Variants in ATG9B observed in about 807,000 individuals in gnomAD.
ATG9B encodes autophagy-related protein 9B.
Under a neutral mutation model 92.9 loss-of-function variants are expected in ATG9B, and 92 were observed. That is an observed-to-expected ratio of 0.99 (90% CI 0.84 to 1.18). The LOEUF is 1.18. Ranked by LOEUF, ATG9B falls within the 50% of genes most tolerant of loss-of-function variation. The probability of loss-of-function intolerance (pLI) is 0.00; values close to 1 mark genes in which losing one functional copy is unlikely to be tolerated. For missense variants in ATG9B, 1,344 were observed against 1,235.0 expected (o/e 1.09, Z -1.32); for synonymous variants, 599 against 551.4 (o/e 1.09, Z -1.21).
chr7:151,013,877 A>T, downstream of ATG9B: 1 of 1,602,926 alleles, frequency 6.2e-7, no homozygotes, highest in Non-Finnish European at 8.5e-7. Flanking sequence ...GGAGGGCGAC[A>T]TGGAGCTGGA....
chr7:151,016,882 T>C, intron 9 of ATG9B, 61 bp from the exon 10 acceptor site: 2 of 1,550,004 alleles, frequency 1.3e-6, no homozygotes. Context: ...AGAAACGGAG[T>C]AGGGAGGAAG....
rs1025120434 is a variant in ATG9B, at chr7:151,015,728, G to A, written c.*15-15C>T. 28 of 1,061,340 alleles carry A rather than the reference G, an allele frequency of 2.6e-5. No homozygotes were observed. Among genetic ancestry groups the A allele is most frequent in the Admixed American group, 1.4e-4 (4 of 29,518 alleles). 65.7% of individuals were successfully genotyped at this position (1,061,340 alleles called of 1,614,324 possible). A position where few individuals can be genotyped will look rare whatever the true frequency, so the allele number is the denominator to read the frequency against. On this transcript the variant is annotated splice_polypyrimidine_tract_variant and intron_variant, in intron 13 of 13. Coordinates refer to ENST00000639579, the MANE Select transcript of ATG9B (RefSeq NM_001317056.2). ...AGCCAGGGTACCTGTGGGAGGAGACGGCTCTTGGCAAGCAGTCCAGGGGTC... is the reference window on the plus strand; with the variant it reads ...AGCCAGGGTACCTGTGGGAGGAGACAGCTCTTGGCAAGCAGTCCAGGGGTC...
chr7:151,013,162 G>A, downstream of ATG9B: 1 of 1,525,274 alleles, frequency 6.6e-7, no homozygotes, highest in Non-Finnish European at 8.9e-7. Flanking sequence ...GGCGACGGTG[G>A]CCTGTGGGGA....
At chr7:151,016,869 G>T (rs760946600) in intron 9 of ATG9B, 48 bp from the exon 10 acceptor site, 1 of 1,570,190 alleles carries the variant, frequency 6.4e-7, no homozygotes, top group Non-Finnish European at 8.6e-7. Context: ...CAGAAGAGAG[G>T]ACAGAAACGG....
intron 11 of ATG9B, 55 bp downstream of exon 11, chr7:151,016,376 A>C: frequency 6.5e-7 from 1 of 1,535,170 alleles, no homozygotes; most frequent in South Asian, 1.2e-5. Context: ...CTCAGTCTCC[A>C]TGTTGTTCAC....
chr7:151,012,614 G>C (rs1473663232), downstream of ATG9B: 1 of 1,039,138 alleles, frequency 9.6e-7, no homozygotes, highest in Admixed American at 2.6e-5. Context: ...AGACCAAGGG[G>C]AGGGCAGGTA....
chr7:151,016,798 G>A lies in ATG9B; in HGVS notation c.2313C>T (p.Leu771=). The part of the protein sequence containing the change: ...SPLPEAFLAN[L]FVHPLLPPRD... ...TCGGAGGCAGGAGAGGGTGCACGAA[G>A]AGGTTGGCCAGGAAGGCCTCAGGCT... Residue 771 remains leucine (L), a synonymous_variant, in exon 10 of 14, where the codon CTC becomes CTT. Transcript: ENST00000639579. 1 of 1,611,132 alleles carries A rather than the reference G, an allele frequency of 6.2e-7. No individual in the cohort carries two copies. The highest frequency in any genetic ancestry group is 1.3e-5 in the African/African-American group (1 of 74,920).
In ATG9B at chr7:151,016,765, C is replaced by G. The variant is rs367998207; in HGVS notation, c.2346G>C (p.Leu782=). The G allele has an allele frequency of 1.1e-5, 17 of 1,613,002 alleles. No individual in the cohort carries two copies. The highest frequency in any genetic ancestry group is 1.4e-5 in the Non-Finnish European group (17 of 1,179,672). Residue 782 remains leucine, a synonymous_variant, in exon 10 of 14, where the codon CTG becomes CTC. Transcript: ENST00000639579. ...FVHPLLPPRD[L]SPTAPCPAAA... is the part of the protein sequence containing the mutation. ...CAGCTGGACAGGGGGCTGTCGGGCT[C>G]AGATCTCTCGGAGGCAGGAGAGGGT...
In ATG9B at chr7:151,021,464, G is replaced by A. The variant is rs150609992; in HGVS notation, c.822-135C>T. The A allele has an allele frequency of 4.1e-4, 506 of 1,248,636 alleles. No individual in the cohort carries two copies. In the African/African-American group the frequency reaches 4.3e-3, roughly 11 times the overall value. The allele number at this position is 1,248,636 out of a possible 1,614,324, so 77.3% of individuals were successfully genotyped here. A position where few individuals can be genotyped will look rare whatever the true frequency, so the allele number is the denominator to read the frequency against. ...ACCAGCAGCTCTCAAGGTAGAGCCC[G>A]GGGCAGGGGGTGGGTGCTGAAGTGG... On this transcript the variant is annotated intron_variant, in intron 4 of 13. Coordinates refer to ENST00000639579, the MANE Select transcript of ATG9B (RefSeq NM_001317056.2).
At chr7:151,023,809 C>T (rs765148359) in intron 1 of ATG9B, 65 bp downstream of exon 1, 85 of 1,611,908 alleles carry the variant, frequency 5.3e-5, no homozygotes, top group Non-Finnish European at 7.0e-5. Flanking sequence ...AGAGGCCCAG[C>T]CTGGGATAAG....
At chr7:151,014,549 C>T (rs1356868804), downstream of ATG9B, 2 of 206,738 alleles carry the variant, frequency 9.7e-6, no homozygotes, top group Non-Finnish European at 1.9e-5. Flanking sequence ...GGGACTGTGC[C>T]AGATGTTAGG....
chr7:151,016,372 C>A, intron 11 of ATG9B, 59 bp downstream of exon 11: 2 of 1,531,888 alleles, frequency 1.3e-6, no homozygotes, highest in Non-Finnish European at 1.8e-6. Context: ...CCACCTCAGT[C>A]TCCATGTTGT....
chr7:151,019,495 G>C (rs1795670495), intron 5 of ATG9B, 121 bp from the exon 6 acceptor site: 6 of 1,310,808 alleles, frequency 4.6e-6, no homozygotes, highest in Non-Finnish European at 6.0e-6. Context: ...TCACAAACTC[G>C]CCATGACCAA....
At chr7:151,021,388 C>A in intron 4 of ATG9B, 59 bp from the exon 5 acceptor site, 1 of 1,515,088 alleles carries the variant, frequency 6.6e-7, no homozygotes, top group Admixed American at 2.2e-5. Flanking sequence ...AAGAGGCAGA[C>A]CAGACTTCGG....
chr7:151,023,339 G>C, intron 3 of ATG9B, 106 bp downstream of exon 3: 1 of 1,595,112 alleles, frequency 6.3e-7, no homozygotes, highest in Non-Finnish European at 8.6e-7. Flanking sequence ...TGGGCTGCTC[G>C]GGAAAGCATG....
Position 151,016,114 on chromosome 7 carries a change from C to T in ATG9B, c.2642G>A (p.Ser881Asn). The change falls in exon 12 of 14, where the codon AGT becomes AAT. Residue 881 changes from serine (S) to asparagine (N), a missense_variant. Physicochemically the swap from Ser to Asn is conservative, Grantham distance 46. Coordinates refer to ENST00000639579, the MANE Select transcript of ATG9B (RefSeq NM_001317056.2). ...SPDEEKPSWS[S>N]DGSSPASSPR... ...GCAGGCCCCACCCTCCTCACCGTCA[C>T]TTGACCAGGATGGCTTCTCCTCATC... The T allele has an allele frequency of 6.5e-7, 1 of 1,538,302 alleles. No individual in the cohort carries two copies. The highest frequency in any genetic ancestry group is 8.8e-7 in the Non-Finnish European group (1 of 1,139,272).
Position 151,019,282 on chromosome 7 carries a change from CA to C in ATG9B, c.1055del (p.Leu352ArgfsTer80). ...TGCGGTGGTGGATGTCCAGCTCCGTCAGGGGCCGCGGCTGCACGCACAGGCC... is the reference window on the plus strand; with the variant it reads ...TGCGGTGGTGGATGTCCAGCTCCGTCGGGGCCGCGGCTGCACGCACAGGCC... Reference protein sequence around the residue: ...SGGLCVQPRPLTELDIHHRIL... With the variant: ...SGGLCVQPRPXTELDIHHRIL... On this transcript the variant is annotated frameshift_variant, in exon 6 of 14. Transcript: ENST00000639579. LOFTEE classifies it high-confidence loss of function. 6.3e-7 allele frequency: 1 copy of C among 1,586,270 alleles called. No individual in the cohort carries two copies. The highest frequency in any genetic ancestry group is 8.5e-7 in the Non-Finnish European group (1 of 1,173,700).
In ATG9B at chr7:151,018,815, C is replaced by T. The variant is rs1584926294; in HGVS notation, c.1523G>A (p.Arg508His). The change falls in exon 6 of 14, where the codon CGC becomes CAC. Residue 508 changes from arginine (R) to histidine (H), a missense_variant. Transcript: ENST00000639579. This position sits in a 1 kb window ranked among gnomAD's most constrained non-coding sequence, Gnocchi z 4.7. ...ELRARLARAY[R>H]PAAAFLRTAA... ...GGTGCGCAGGAAGGCGGCGGCGGGGCGGTAGGCGCGGGCCAGGCGCGCGCG... is the reference window on the plus strand; with the variant it reads ...GGTGCGCAGGAAGGCGGCGGCGGGGTGGTAGGCGCGGGCCAGGCGCGCGCG... 9 of 1,289,468 alleles carry T rather than the reference C, an allele frequency of 7.0e-6. No individual in the cohort carries two copies. Among genetic ancestry groups the T allele is most frequent in the Non-Finnish European group, 8.8e-6 (9 of 1,021,362 alleles). The allele number at this position is 1,289,468 out of a possible 1,614,324, so 79.9% of individuals were successfully genotyped here. A position where few individuals can be genotyped will look rare whatever the true frequency, so the allele number is the denominator to read the frequency against.
In ATG9B at chr7:151,018,512, G is replaced by C. The variant is rs191756802; in HGVS notation, c.1719-65C>G. 2.6e-6 allele frequency: 4 copies of C among 1,523,966 alleles called. No individual in the cohort carries two copies. In the African/African-American group the frequency reaches 4.2e-5, roughly 16 times the overall value. The allele number at this position is 1,523,966 out of a possible 1,614,324, so 94.4% of individuals were successfully genotyped here. ...AGGAGGACGCGCGGTGGGATGTAGG[G>C]CTAGAGGGCCCCAGTGGTGGGAGAG... On this transcript the variant is annotated intron_variant, in intron 6 of 13. Coordinates refer to ENST00000639579, the MANE Select transcript of ATG9B (RefSeq NM_001317056.2). This position sits in a 1 kb window ranked among gnomAD's most constrained non-coding sequence, Gnocchi z 4.7.
Sources: allele counts gnomAD v4.1 joint callset, GRCh38; gene constraint gnomAD v4.1.1; non-coding constraint Gnocchi (gnomAD v3.1); transcripts MANE v1.5; gene names NCBI Gene and HGNC (gene_info 2026-07-23, HGNC 2026-07-21).